The following SRGAP3 variants were observed in gnomAD, a reference collection of about 807,000 sequenced individuals.
The protein encoded by SRGAP3 is SLIT-ROBO Rho GTPase-activating protein 3.
SRGAP3 carries 39 observed loss-of-function variants against 121.1 expected under a neutral mutation model. That is an observed-to-expected ratio of 0.32 (90% CI 0.25 to 0.42). The LOEUF (loss-of-function observed/expected upper bound fraction) is 0.42. Among genes scored for constraint, SRGAP3 ranks in the 10% least tolerant of loss-of-function variants. The probability of loss-of-function intolerance (pLI) is 1.00; values close to 1 mark genes in which losing one functional copy is unlikely to be tolerated. For missense variants in SRGAP3, 1,213 were observed against 1,470.6 expected (o/e 0.82, Z 2.86); for synonymous variants, 601 against 570.0 (o/e 1.05, Z -0.77).
intron 1 of SRGAP3, among the ~76,000 whole-genome samples, chr3:9,206,741 C>T (rs1033243131): frequency 1.3e-5 from 2 of 152,140 alleles, no homozygotes; most frequent in African/African-American, 4.8e-5. Context: ...TCCTTTGTCC[C>T]CTCTCCCTAA....
Position 9,167,518 on chromosome 3 carries a change from A to T in SRGAP3, c.68-42601T>A, listed in dbSNP as rs892668490. On this transcript the variant is annotated intron_variant, in intron 1 of 21. Coordinates refer to ENST00000383836, the MANE Select transcript of SRGAP3 (RefSeq NM_014850.4). ...GCCCACATCCATGGCCCATCCACTGACCTTGCTCCTAAATTCTGGGAGCTG... is the reference window on the plus strand; with the variant it reads ...GCCCACATCCATGGCCCATCCACTGTCCTTGCTCCTAAATTCTGGGAGCTG... Among the ~76,000 whole-genome samples, 2 of 152,126 alleles carry T rather than the reference A, an allele frequency of 1.3e-5. 1 individual carries two copies.
chr3:9,014,132 G>T, intron 15 of SRGAP3: 1 of 470,256 alleles, frequency 2.1e-6, no homozygotes, highest in African/African-American at 2.0e-5. Context: ...GTAGAGGGAA[G>T]CCTGGAGCAC....
chr3:9,260,561 G>A (rs1039026628), intron 3 of SRGAP3, among the ~76,000 whole-genome samples: 11 of 152,204 alleles, frequency 7.2e-5, no homozygotes, highest in Admixed American at 1.3e-4. Flanking sequence ...AACCCACTGC[G>A]GCGTGGCATC....
At chr3:9,202,228 T>C (rs1952089758) in intron 1 of SRGAP3, among the ~76,000 whole-genome samples, 1 of 152,142 alleles carries the variant, frequency 6.6e-6, no homozygotes, top group South Asian at 2.1e-4. Flanking sequence ...AGCAGCCAAA[T>C]TAGCTCGCCC....
intron 1 of SRGAP3, among the ~76,000 whole-genome samples, chr3:9,149,129 G>T (rs574553705): frequency 6.6e-6 from 1 of 150,940 alleles, no homozygotes; most frequent in African/African-American, 2.4e-5. Flanking sequence ...CAGGAGAATC[G>T]CTTGAAGCCG....
upstream of SRGAP3, among the ~76,000 whole-genome samples, chr3:9,252,159 C>T (rs1330677783): frequency 6.6e-6 from 1 of 152,130 alleles, no homozygotes; most frequent in Non-Finnish European, 1.5e-5. Flanking sequence ...GGACCTCGCT[C>T]CTCTTCCTTG....
intron 17 of SRGAP3, among the ~76,000 whole-genome samples, chr3:9,010,872 C>T (rs1039583164): frequency 5.9e-5 from 9 of 152,128 alleles, no homozygotes; most frequent in African/African-American, 2.2e-4. Flanking sequence ...GCAAAAGCCC[C>T]GACTGATGCA....
intron 5 of SRGAP3, among the ~76,000 whole-genome samples, chr3:9,061,218 G>T (rs1057428415): frequency 1.3e-5 from 2 of 152,122 alleles, no homozygotes; most frequent in Non-Finnish European, 2.9e-5. Context: ...AGGTGACAGA[G>T]GGAGACTCCG....
chr3:9,315,252 C>G (rs978645572), intron 3 of SRGAP3, among the ~76,000 whole-genome samples: 6 of 152,202 alleles, frequency 3.9e-5, no homozygotes, highest in Non-Finnish European at 8.8e-5. Flanking sequence ...CAACCTTTTC[C>G]CAGATTGAAG....
At position 9,151,314 on chromosome 3, in the gene SRGAP3, T is replaced by C. The variant is rs78904511; in HGVS notation, c.68-26397A>G. 5.6e-3 allele frequency among the ~76,000 whole-genome samples: 852 copies of C among 152,216 alleles called. 18 individuals carry two copies. The highest frequency in any genetic ancestry group is 0.052 in the South Asian group (252 of 4,822). On this transcript the variant is annotated intron_variant, in intron 1 of 21. Coordinates refer to ENST00000383836, the MANE Select transcript of SRGAP3 (RefSeq NM_014850.4). Reference sequence around the variant, plus strand: ...CGGAGGTGGGGAGCCCAGAACTTACTGGAGGCTCGTTCGGGATGTTTGGCA... The same window carrying C: ...CGGAGGTGGGGAGCCCAGAACTTACCGGAGGCTCGTTCGGGATGTTTGGCA...
Position 8,993,074 on chromosome 3 carries a change from T to C in SRGAP3, c.2409-19A>G. The C allele has an allele frequency of 1.2e-6, 2 of 1,613,462 alleles. No individual in the cohort carries two copies. The highest frequency in any genetic ancestry group is 1.7e-6 in the Non-Finnish European group (2 of 1,180,012). On this transcript the variant is annotated intron_variant, in intron 19 of 21. Transcript: ENST00000383836. ...ATCATCCCTGGGGAGAAGACAGACA[T>C]GAATTGGAGGCACCTTCCCCCAAAG...
intron 8 of SRGAP3, among the ~76,000 whole-genome samples, chr3:9,055,245 T>A (rs1303336109): frequency 6.6e-6 from 1 of 152,226 alleles, no homozygotes; most frequent in Non-Finnish European, 1.5e-5. Context: ...TTTGTGGAGA[T>A]GAAAAGCAAA....
chr3:9,323,713 A>G (rs1481561752), intron 3 of SRGAP3, among the ~76,000 whole-genome samples: 4 of 151,374 alleles, frequency 2.6e-5, no homozygotes, highest in Non-Finnish European at 5.9e-5. Context: ...AAAAGTAATG[A>G]CCAGTTCTGG....
chr3:9,002,087 A>C (rs971438657), intron 18 of SRGAP3, among the ~76,000 whole-genome samples: 3 of 152,128 alleles, frequency 2.0e-5, no homozygotes, highest in Admixed American at 6.5e-5. Flanking sequence ...TATAGAACAC[A>C]CCACTCAGCA....
intron 1 of SRGAP3, among the ~76,000 whole-genome samples, chr3:9,188,945 T>C (rs940298524): frequency 6.6e-6 from 1 of 152,200 alleles, no homozygotes; most frequent in Non-Finnish European, 1.5e-5. Flanking sequence ...GTGGTATTCC[T>C]AAGCAGAGCA....
intron 1 of SRGAP3, among the ~76,000 whole-genome samples, chr3:9,187,151 C>T (rs1033774700): frequency 4.1e-5 from 6 of 147,426 alleles, no homozygotes; most frequent in African/African-American, 7.5e-5. Flanking sequence ...TGTGATGTTC[C>T]CCTCCCTGTG....
intron 3 of SRGAP3, among the ~76,000 whole-genome samples, chr3:9,291,524 A>C (rs925373649): frequency 2.6e-5 from 4 of 151,974 alleles, no homozygotes; most frequent in African/African-American, 4.8e-5. Flanking sequence ...GCAATGGTGT[A>C]TATATCTATG....
chr3:9,058,178 G>C, intron 7 of SRGAP3, 73 bp downstream of exon 7: 30 of 1,506,512 alleles, frequency 2.0e-5, no homozygotes, highest in Non-Finnish European at 2.8e-5. Context: ...CGTGCAACCA[G>C]GGATGATGTA....
intron 1 of SRGAP3, among the ~76,000 whole-genome samples, chr3:9,236,914 T>C (rs977657828): frequency 1.3e-5 from 2 of 152,192 alleles, no homozygotes; most frequent in Admixed American, 1.3e-4. Flanking sequence ...GAAACTATTT[T>C]TGTGTCCCCA....
Sources: gnomAD v4.1 joint callset for allele counts (sites outside exome capture counted in the v4.1 genomes callset) on GRCh38, gnomAD v4.1.1 for gene constraint, MANE v1.5 for transcripts, NCBI Gene and HGNC (gene_info 2026-07-23, HGNC 2026-07-21) for gene names.